The following LRRC8D variants were observed in gnomAD, a reference collection of about 807,000 sequenced individuals.
LRRC8D encodes the protein leucine rich repeat containing 8 VRAC subunit D, also known as volume-regulated anion channel subunit LRRC8D.
Under a neutral mutation model 55.8 loss-of-function variants are expected in LRRC8D, and 20 were observed. That is an observed-to-expected ratio of 0.36 (90% CI 0.25 to 0.52). LRRC8D has a LOEUF of 0.52. Ranked by LOEUF, LRRC8D falls within the 20% of genes least tolerant of loss-of-function variation. The pLI is 0.93. For synonymous variants in LRRC8D, 352 were observed against 377.0 expected (o/e 0.93, Z 0.77); for missense variants, 651 against 1,030.8 (o/e 0.63, Z 5.05).
intron 2 of LRRC8D, among the ~76,000 whole-genome samples, chr1:89,893,279 G>A (rs2100885555): frequency 6.6e-6 from 1 of 152,330 alleles, no homozygotes; most frequent in South Asian, 2.1e-4. Flanking sequence ...AGCACGTGCA[G>A]AGGTCCTGAG....
intron 2 of LRRC8D, among the ~76,000 whole-genome samples, chr1:89,846,884 C>A (rs937167463): frequency 2.0e-5 from 3 of 152,050 alleles, no homozygotes; most frequent in Admixed American, 1.3e-4. Context: ...TAAAAAACCT[C>A]TTCTGGCTTA....
chr1:89,831,916 G>A (rs997932440), intron 1 of LRRC8D, among the ~76,000 whole-genome samples: 9 of 152,168 alleles, frequency 5.9e-5, no homozygotes, highest in Non-Finnish European at 1.2e-4. Flanking sequence ...ACATTGAGCG[G>A]GTATACACAG....
intron 2 of LRRC8D, among the ~76,000 whole-genome samples, chr1:89,913,032 C>G (rs1399374340): frequency 1.3e-5 from 2 of 152,230 alleles, no homozygotes; most frequent in African/African-American, 2.4e-5. Context: ...GGCAGGATAG[C>G]ACTCCTGTGC....
intron 2 of LRRC8D, among the ~76,000 whole-genome samples, chr1:89,874,243 A>G (rs1313052677): frequency 1.3e-5 from 2 of 152,214 alleles, no homozygotes; most frequent in Non-Finnish European, 2.9e-5. Context: ...CAAGCTCATA[A>G]TTGTAGACCC....
At chr1:89,854,923 G>A (rs1661514046) in intron 2 of LRRC8D, among the ~76,000 whole-genome samples, 1 of 152,160 alleles carries the variant, frequency 6.6e-6, no homozygotes, top group Admixed American at 6.5e-5. Flanking sequence ...ATTTGCGTGT[G>A]GGGTAGACAG....
chr1:89,830,165 A>G (rs550000660), intron 1 of LRRC8D, among the ~76,000 whole-genome samples: 40 of 152,354 alleles, frequency 2.6e-4, no homozygotes, highest in African/African-American at 8.7e-4. Flanking sequence ...AAATACAAGA[A>G]AATTATACTT....
In LRRC8D at chr1:89,905,758, G is replaced by T. The variant is rs572606990; in HGVS notation, c.-2-27309G>T. On this transcript the variant is annotated intron_variant, in intron 2 of 2. Transcript: ENST00000337338. The stretch of plus-strand genomic sequence containing the variant: ...AGGGGAAAGCTGCTTTCCCCCAGCA[G>T]GAGAGGAGTCCAGAATTCGTGACCT... Among the ~76,000 whole-genome samples, 16 of 152,332 alleles carry T rather than the reference G, an allele frequency of 1.1e-4. 2 individuals are homozygous for T. In the East Asian group the frequency reaches 2.5e-3, roughly 24 times the overall value.
chr1:89,859,296 C>G (rs1386467801), intron 2 of LRRC8D, among the ~76,000 whole-genome samples: 1 of 151,548 alleles, frequency 6.6e-6, no homozygotes, highest in African/African-American at 2.4e-5. Flanking sequence ...ATGAGAGACT[C>G]CATACACGGA....
intron 2 of LRRC8D, among the ~76,000 whole-genome samples, chr1:89,865,330 TTATATATATATATA>T (rs34852331): frequency 2.9e-5 from 4 of 139,288 alleles, no homozygotes; most frequent in Admixed American, 7.3e-5. Flanking sequence ...AAACATGAAA[TTATATATATATATA>T]TATATATATA....
Position 89,933,042 on chromosome 1 carries a change from T to C in LRRC8D, c.-2-25T>C. The C allele has an allele frequency of 6.3e-7, 1 of 1,586,024 alleles. No individual in the cohort carries two copies. Among genetic ancestry groups the C allele is most frequent in the Non-Finnish European group, 8.6e-7 (1 of 1,160,714 alleles). ...CTTTTCATTTGCATCTCTAGAATAA[T>C]GTCTTTTGTCTTCTTGTTTTCTAGG... is the stretch of plus-strand genomic sequence containing the variant. On this transcript the variant is annotated intron_variant, in intron 2 of 2. Transcript: ENST00000337338. The surrounding 1 kb of genome is among the most constrained non-coding windows in gnomAD (Gnocchi z 7.0).
chr1:89,849,154 A>G (rs1008592464), intron 2 of LRRC8D, among the ~76,000 whole-genome samples: 1 of 152,200 alleles, frequency 6.6e-6, no homozygotes, highest in African/African-American at 2.4e-5. Flanking sequence ...GAACTAGACT[A>G]TGTAAAGAAA....
At chr1:89,823,159 G>A (rs866085497) in intron 1 of LRRC8D, among the ~76,000 whole-genome samples, 1 of 152,176 alleles carries the variant, frequency 6.6e-6, no homozygotes, top group Non-Finnish European at 1.5e-5. Flanking sequence ...AAACCTAACA[G>A]ATTAGAAGGT....
chr1:89,841,406 T>C (rs74098608), intron 1 of LRRC8D, among the ~76,000 whole-genome samples: 70 of 66,708 alleles, frequency 1.0e-3, no homozygotes, highest in African/African-American at 2.3e-3. Context: ...ACCCCCCCCC[T>C]TTTTTTTGTG....
chr1:89,895,653 A>G (rs1024849806), intron 2 of LRRC8D, among the ~76,000 whole-genome samples: 2 of 152,198 alleles, frequency 1.3e-5, no homozygotes, highest in Non-Finnish European at 2.9e-5. Flanking sequence ...ATTTCATTTT[A>G]GGCAACAATT....
chr1:89,855,061 C>G (rs998675760), intron 2 of LRRC8D, among the ~76,000 whole-genome samples: 1 of 152,016 alleles, frequency 6.6e-6, no homozygotes, highest in African/African-American at 2.4e-5. Context: ...TTGTTTCTCT[C>G]TCTCTCTCTC....
chr1:89,859,718 T>C (rs75631446), intron 2 of LRRC8D, among the ~76,000 whole-genome samples: 1,593 of 152,320 alleles, frequency 0.01, 21 homozygotes, highest in African/African-American at 0.036. Context: ...TCCATTTATT[T>C]TGTGATAATT....
At chr1:89,930,293 C>G (rs138416535) in intron 2 of LRRC8D, among the ~76,000 whole-genome samples, 1,855 of 152,272 alleles carry the variant, frequency 0.012, 26 homozygotes, top group African/African-American at 0.027. Flanking sequence ...CTCCTGGGTT[C>G]AAGCAATTTT....
intron 2 of LRRC8D, among the ~76,000 whole-genome samples, chr1:89,884,642 T>C (rs1428280438): frequency 6.6e-6 from 1 of 152,224 alleles, no homozygotes; most frequent in African/African-American, 2.4e-5. Context: ...CAGGGTGACC[T>C]TTAGCAAGCT....
intron 2 of LRRC8D, among the ~76,000 whole-genome samples, chr1:89,859,203 A>G (rs1330803648): frequency 3.3e-5 from 5 of 152,098 alleles, no homozygotes; most frequent in East Asian, 3.9e-4. Flanking sequence ...ATAGTAGACT[A>G]TTCGGTAAAT....
Sources: allele counts gnomAD v4.1 joint callset (sites outside exome capture counted in the v4.1 genomes callset), GRCh38; gene constraint gnomAD v4.1.1; non-coding constraint Gnocchi (gnomAD v3.1); transcripts MANE v1.5; gene names NCBI Gene and HGNC (gene_info 2026-07-23, HGNC 2026-07-21).